The following ABI3BP variants were observed in gnomAD, a reference collection of about 807,000 sequenced individuals.
ABI3BP encodes the protein target of Nesh-SH3.
ABI3BP carries 216 observed loss-of-function variants against 268.6 expected under a neutral mutation model. The ratio of observed to expected loss-of-function variants is 0.80; its 90% CI spans 0.72 to 0.90. The LOEUF is 0.90. Ranked by LOEUF, ABI3BP falls within the 40% of genes least tolerant of loss-of-function variation. The probability of loss-of-function intolerance (pLI) is 0.00; values close to 1 mark genes in which losing one functional copy is unlikely to be tolerated. For missense variants in ABI3BP, 2,090 were observed against 2,182.4 expected (o/e 0.96, Z 0.84); for synonymous variants, 730 against 730.0 (o/e 1.00, Z 0.00).
chr3:100,751,645 C>T lies in ABI3BP; in HGVS notation c.5152G>A (p.Gly1718Ser). The change falls in exon 67 of 68, where the codon GGC becomes AGC. Residue 1718 changes from glycine (G) to serine (S), a missense_variant. By Grantham distance (56) the Gly-to-Ser change is moderately conservative (BLOSUM62 0). Coordinates refer to ENST00000471714, the MANE Select transcript of ABI3BP (RefSeq NM_001375547.2). ...AACTGGCAGTGATCTTCTCCATGGC[C>T]CCTCTGATCACCTATGTTATAAAAT... ...GKFYNIGDQR[G>S]HGEDHCQFVD... The T allele has an allele frequency of 6.2e-7, 1 of 1,604,418 alleles. No homozygotes were observed. The highest frequency in any genetic ancestry group is 8.5e-7 in the Non-Finnish European group (1 of 1,174,836).
chr3:100,943,888 T>TTA (rs1299082583), intron 1 of ABI3BP, among the ~76,000 whole-genome samples: 1 of 152,104 alleles, frequency 6.6e-6, no homozygotes, highest in Non-Finnish European at 1.5e-5. Context: ...AAAAGTGAAA[T>TTA]TATATATGTA....
intron 12 of ABI3BP, chr3:100,863,766 T>A (rs746885866): frequency 1.5e-5 from 7 of 480,776 alleles, no homozygotes; most frequent in Non-Finnish European, 2.6e-5. Context: ...TTCAGTGACA[T>A]ATTGATTCTG....
intron 1 of ABI3BP, among the ~76,000 whole-genome samples, chr3:100,940,741 C>T (rs556245103): frequency 6.0e-4 from 76 of 126,998 alleles, no homozygotes; most frequent in Non-Finnish European, 1.1e-3. Flanking sequence ...CAGCTACAAA[C>T]ACTTTGGACA....
chr3:100,755,330 G>A (rs2095559806), intron 63 of ABI3BP, among the ~76,000 whole-genome samples: 1 of 152,218 alleles, frequency 6.6e-6, no homozygotes, highest in African/African-American at 2.4e-5. Context: ...CTGTTTAACT[G>A]TAGACTAAGC....
chr3:100,859,019 CAA>C (rs147648329), intron 14 of ABI3BP, among the ~76,000 whole-genome samples: 2,895 of 152,268 alleles, frequency 0.019, 94 homozygotes, highest in African/African-American at 0.066. Flanking sequence ...CAATTCAGAG[CAA>C]AGTTTTACTG....
intron 1 of ABI3BP, among the ~76,000 whole-genome samples, chr3:100,962,273 A>C (rs1562094761): frequency 6.6e-6 from 1 of 152,040 alleles, no homozygotes; most frequent in Non-Finnish European, 1.5e-5. Context: ...GTCAGCACCC[A>C]TCCCTCTCCT....
chr3:100,874,689 A>G (rs980088300), intron 9 of ABI3BP, among the ~76,000 whole-genome samples, 152 bp downstream of exon 9: 1 of 152,198 alleles, frequency 6.6e-6, no homozygotes, highest in Non-Finnish European at 1.5e-5. Flanking sequence ...GTTATTTATA[A>G]TGAATACCTC....
chr3:100,847,757 T>C, intron 18 of ABI3BP, 84 bp from the exon 19 acceptor site: 2 of 1,144,100 alleles, frequency 1.7e-6, no homozygotes, highest in Middle Eastern at 2.0e-4. Flanking sequence ...ATGATCCATT[T>C]AAAATCCTGC....
At chr3:100,815,569 T>C (rs867512875) in intron 44 of ABI3BP, among the ~76,000 whole-genome samples, 40 of 152,014 alleles carry the variant, frequency 2.6e-4, no homozygotes, top group Non-Finnish European at 8.8e-5. Context: ...TCAAAGGGAG[T>C]TCATGGTACT....
At chr3:100,790,968 C>T (rs1418928558) in intron 55 of ABI3BP, among the ~76,000 whole-genome samples, 1 of 151,756 alleles carries the variant, frequency 6.6e-6, no homozygotes, top group East Asian at 1.9e-4. Context: ...TCTCCATAGT[C>T]TTCATTTAAG....
chr3:100,839,208 G>C (rs914142918), intron 24 of ABI3BP, among the ~76,000 whole-genome samples: 1 of 152,208 alleles, frequency 6.6e-6, no homozygotes, highest in Non-Finnish European at 1.5e-5. Context: ...GCAATGAAAT[G>C]CTAACCATGG....
At chr3:100,781,171 A>G (rs2096853962) in intron 57 of ABI3BP, among the ~76,000 whole-genome samples, 1 of 152,230 alleles carries the variant, frequency 6.6e-6, no homozygotes, top group Admixed American at 6.5e-5. Context: ...AACAATGACA[A>G]CAACCCTGTT....
At chr3:100,804,152 G>A (rs934792015) in intron 51 of ABI3BP, among the ~76,000 whole-genome samples, 4 of 152,154 alleles carry the variant, frequency 2.6e-5, no homozygotes, top group African/African-American at 9.7e-5. Flanking sequence ...GCCACTTGAA[G>A]ACTTCATGTA....
rs575648416 is a variant in ABI3BP at position 100,797,562 on chromosome 3, GTT to G, written c.3758-1096_3758-1095del. The stretch of plus-strand genomic sequence containing the variant: ...GCCTCAGAAGAAAGATGAAGAAACT[GTT>G]TTTTTTTTTTTTTTTTATTATGAGG... On this transcript the variant is annotated intron_variant, in intron 51 of 67. Transcript: ENST00000471714. Among the ~76,000 whole-genome samples the G allele has an allele frequency of 5.8e-3, 753 of 129,630 alleles. 5 individuals carry two copies. Among genetic ancestry groups the G allele is most frequent in the African/African-American group, 0.018 (673 of 37,210 alleles). The allele number at this position is 129,630 out of a possible 152,430, so 85.0% of individuals were successfully genotyped here.
At chr3:100,948,875 T>C (rs1389640635) in intron 1 of ABI3BP, among the ~76,000 whole-genome samples, 1 of 152,226 alleles carries the variant, frequency 6.6e-6, no homozygotes, top group Non-Finnish European at 1.5e-5. Context: ...GCATTTCCTT[T>C]GAGCATTTGG....
At chr3:100,792,839 C>T in intron 54 of ABI3BP, 71 bp from the exon 55 acceptor site, 1 of 1,291,952 alleles carries the variant, frequency 7.7e-7, no homozygotes, top group Non-Finnish European at 1.1e-6. Flanking sequence ...AAAACCCATA[C>T]TCTTTTCTGT....
At position 100,789,869 on chromosome 3, in the gene ABI3BP, A is replaced by G. The variant is rs56254963; in HGVS notation, c.4025-353T>C. 3.5e-3 allele frequency among the ~76,000 whole-genome samples: 530 copies of G among 152,112 alleles called. 4 individuals are homozygous for G. The highest frequency in any genetic ancestry group is 5.3e-3 in the Non-Finnish European group (359 of 67,960). ...TGTCTGTTCATCTGTCCATCCATCCATCCATCTAATCTCTCAGTGAAGAGT... is the reference window on the plus strand; with the variant it reads ...TGTCTGTTCATCTGTCCATCCATCCGTCCATCTAATCTCTCAGTGAAGAGT... On this transcript the variant is annotated intron_variant, in intron 55 of 67. Transcript: ENST00000471714.
chr3:100,765,371 C>A (rs2149695742), intron 63 of ABI3BP, among the ~76,000 whole-genome samples: 1 of 152,262 alleles, frequency 6.6e-6, no homozygotes, highest in East Asian at 1.9e-4. Flanking sequence ...GGTCCCAAAG[C>A]AAAGAATTGC....
intron 14 of ABI3BP, among the ~76,000 whole-genome samples, chr3:100,861,691 C>T (rs2099000206): frequency 7.3e-6 from 1 of 137,390 alleles, no homozygotes; most frequent in Non-Finnish European, 1.6e-5. Flanking sequence ...AAGAATTCTC[C>T]ACAGGAAAAA....
Sources: gnomAD v4.1 joint callset for allele counts (sites outside exome capture counted in the v4.1 genomes callset) on GRCh38, gnomAD v4.1.1 for gene constraint, MANE v1.5 for transcripts, NCBI Gene and HGNC (gene_info 2026-07-23, HGNC 2026-07-21) for gene names.